NSL1: variants seen among roughly 807,000 people sequenced by gnomAD.
The protein encoded by NSL1 is NSL1 component of MIS12 kinetochore complex, also known as kinetochore-associated protein NSL1 homolog.
Under a neutral mutation model 25.4 loss-of-function variants are expected in NSL1, and 11 were observed. The ratio of observed to expected loss-of-function variants is 0.43; its 90% CI spans 0.27 to 0.72. The LOEUF is 0.72. Ranked by LOEUF, NSL1 falls within the 30% of genes least tolerant of loss-of-function variation. The pLI is 0.19. For missense variants in NSL1, 330 were observed against 342.7 expected (o/e 0.96, Z 0.29); for synonymous variants, 118 against 120.6 (o/e 0.98, Z 0.14).
intron 1 of NSL1, among the ~76,000 whole-genome samples, chr1:212,789,096 C>G (rs1290859102): frequency 6.6e-6 from 1 of 151,898 alleles, no homozygotes. Flanking sequence ...TATTTTGTAC[C>G]CTTTGTATAA....
At chr1:212,783,414 G>C (rs372157624) in intron 3 of NSL1, among the ~76,000 whole-genome samples, 4 of 152,066 alleles carry the variant, frequency 2.6e-5, no homozygotes, top group Admixed American at 6.6e-5. Flanking sequence ...CGGTATTTGA[G>C]AACTGCTATA....
Position 212,728,750 on chromosome 1 carries a change from C to A in NSL1, c.*9658G>T. 1 of 985,362 alleles carries A rather than the reference C, an allele frequency of 1.0e-6. No homozygotes were observed. The allele number at this position is 985,362 out of a possible 1,614,324, so 61.0% of individuals were successfully genotyped here. A position where few individuals can be genotyped will look rare whatever the true frequency, so the allele number is the denominator to read the frequency against. ...ATCAGGGATAAACCTGATCACCGTC[C>A]CCTTTGTTGCCACATCTCGCAGCTT... On this transcript the variant is annotated 3_prime_UTR_variant, in exon 6 of 6. Transcript: ENST00000366977.
chr1:212,728,909 G>C lies in NSL1; in HGVS notation c.*9499C>G, dbSNP rs1171504281. 2.0e-6 allele frequency: 2 copies of C among 985,260 alleles called. No homozygotes were observed. Among genetic ancestry groups the C allele is most frequent in the African/African-American group, 1.7e-5 (1 of 57,222 alleles). The allele number at this position is 985,260 out of a possible 1,614,324, so 61.0% of individuals were successfully genotyped here. A position where few individuals can be genotyped will look rare whatever the true frequency, so the allele number is the denominator to read the frequency against. On this transcript the variant is annotated 3_prime_UTR_variant, in exon 6 of 6. Coordinates refer to ENST00000366977, the MANE Select transcript of NSL1 (RefSeq NM_015471.4). ...GGCCAGAGTCCACCACTCTGGCAAA[G>C]AGCAGTGTTTATTTGTGTGTTTGAA...
Position 212,787,578 on chromosome 1 carries a change from A to T in NSL1, c.294T>A (p.Ala98=), listed in dbSNP as rs375998186. ...ACATACCCATAAAACAATTATCTGA[A>T]GCTTCCTGCCATGCTTGCCCATTAA... ...ISINGQAWQE[A]SDNCFMDSDI... is the part of the protein sequence containing the mutation. Residue 98 remains alanine, a synonymous_variant, in exon 2 of 6, where the codon GCT becomes GCA. Coordinates refer to ENST00000366977, the MANE Select transcript of NSL1 (RefSeq NM_015471.4). 3 of 1,604,734 alleles carry T rather than the reference A, an allele frequency of 1.9e-6. No individual in the cohort carries two copies. Among genetic ancestry groups the T allele is most frequent in the Non-Finnish European group, 2.6e-6 (3 of 1,176,372 alleles).
chr1:212,739,520 C>T lies in NSL1; in HGVS notation c.567+14G>A, dbSNP rs779386714. ...TTTGTTCATTTGATAATTTTTTTAG[C>T]ACATAGCTTTTACCTTCATGGCTTC... On this transcript the variant is annotated intron_variant, in intron 5 of 5. Transcript: ENST00000366977. The T allele has an allele frequency of 1.2e-6, 2 of 1,611,676 alleles. No individual in the cohort carries two copies. Among genetic ancestry groups the T allele is most frequent in the South Asian group, 2.2e-5 (2 of 90,716 alleles).
chr1:212,755,932 T>C (rs2102448313), intron 4 of NSL1, among the ~76,000 whole-genome samples: 1 of 152,222 alleles, frequency 6.6e-6, no homozygotes, highest in South Asian at 2.1e-4. Flanking sequence ...TGCAGATAAT[T>C]TGAACACATG....
In NSL1 at chr1:212,736,179, AG is replaced by A. The variant is rs1243078196; in HGVS notation, c.*2228del. ...CAGCCTCCTGGGTGGCTGGGACTACAGGTGTGTGCCATCACACCCTGCTAAT... is the reference window on the plus strand; with the variant it reads ...CAGCCTCCTGGGTGGCTGGGACTACAGTGTGTGCCATCACACCCTGCTAAT... On this transcript the variant is annotated 3_prime_UTR_variant, in exon 6 of 6. Coordinates refer to ENST00000366977, the MANE Select transcript of NSL1 (RefSeq NM_015471.4). 6.7e-6 allele frequency: 4 copies of A among 601,078 alleles called. No individual in the cohort carries two copies. The highest frequency in any genetic ancestry group is 8.4e-6 in the Non-Finnish European group (4 of 478,676). The allele number at this position is 601,078 out of a possible 1,614,324, so 37.2% of individuals were successfully genotyped here. A position where few individuals can be genotyped will look rare whatever the true frequency, so the allele number is the denominator to read the frequency against.
At position 212,727,406 on chromosome 1, in the gene NSL1, T is replaced by C; in HGVS notation, c.*11002A>G. On this transcript the variant is annotated 3_prime_UTR_variant, in exon 6 of 6. Transcript: ENST00000366977. Reference sequence around the variant, plus strand: ...AATAAGTATCAGTCAAGTTAATGTTTCCAAAATATACTCCTTGTAACAGAC... The same window carrying C: ...AATAAGTATCAGTCAAGTTAATGTTCCCAAAATATACTCCTTGTAACAGAC... 1 of 985,356 alleles carries C rather than the reference T, an allele frequency of 1.0e-6. No individual in the cohort carries two copies. The highest frequency in any genetic ancestry group is 1.2e-6 in the Non-Finnish European group (1 of 829,922). 61.0% of individuals were successfully genotyped at this position (985,356 alleles called of 1,614,324 possible).
rs1019166451 is a variant in NSL1 at position 212,731,564 on chromosome 1, C to A, written c.*6844G>T. 3 of 985,260 alleles carry A rather than the reference C, an allele frequency of 3.0e-6. No individual in the cohort carries two copies. The Admixed American group carries it at 1.8e-4, about 61-fold the overall frequency. The allele number at this position is 985,260 out of a possible 1,614,324, so 61.0% of individuals were successfully genotyped here. ...ATGCATTTAATTTTAAAAATCAAAT[C>A]TATGAGGCTTCTATCAAAAATTATC... On this transcript the variant is annotated 3_prime_UTR_variant, in exon 6 of 6. Coordinates refer to ENST00000366977, the MANE Select transcript of NSL1 (RefSeq NM_015471.4).
At chr1:212,749,012 T>A (rs1444269225) in intron 4 of NSL1, among the ~76,000 whole-genome samples, 2 of 152,298 alleles carry the variant, frequency 1.3e-5, no homozygotes, top group Admixed American at 1.3e-4. Context: ...ATTAAAAAAA[T>A]ATAATCAATA....
rs140305470 is a variant in NSL1 at position 212,739,584 on chromosome 1, A to G, written c.517T>C (p.Leu173=). 1.1e-3 allele frequency: 1,750 copies of G among 1,613,550 alleles called. 1 individual carries two copies. The highest frequency in any genetic ancestry group is 1.4e-3 in the Non-Finnish European group (1,701 of 1,179,700). The change falls in exon 5 of 6, where the codon TTG becomes CTG. Residue 173 remains leucine (L), a synonymous_variant. Transcript: ENST00000366977. ...DPDPAPHMEN[L]KCRGETVAKE... ...GCTACTGTTTCCCCTCTGCATTTCA[A>G]ATTTTCCATATGAGGGGCTGCAAAA...
chr1:212,748,781 G>A (rs1658924813), intron 4 of NSL1, among the ~76,000 whole-genome samples: 1 of 152,118 alleles, frequency 6.6e-6, no homozygotes, highest in African/African-American at 2.4e-5. Flanking sequence ...TGGGGAACAG[G>A]ATAAATATGT....
intron 4 of NSL1, among the ~76,000 whole-genome samples, chr1:212,776,107 G>A (rs1460779007): frequency 2.0e-5 from 3 of 152,270 alleles, no homozygotes; most frequent in South Asian, 2.1e-4. Flanking sequence ...GAGCCACTGC[G>A]CCCAGCCCGT....
intron 2 of NSL1, among the ~76,000 whole-genome samples, chr1:212,786,013 T>A (rs1558066368): frequency 6.6e-6 from 1 of 152,090 alleles, no homozygotes; most frequent in East Asian, 1.9e-4. Flanking sequence ...GGCACCCTTT[T>A]TTTCCTTTTT....
Position 212,735,418 on chromosome 1 carries a change from A to C in NSL1, c.*2990T>G. 1.0e-6 allele frequency: 1 copy of C among 985,454 alleles called. No individual in the cohort carries two copies. The highest frequency in any genetic ancestry group is 1.2e-6 in the Non-Finnish European group (1 of 829,938). 61.0% of individuals were successfully genotyped at this position (985,454 alleles called of 1,614,324 possible). ...AACAAATTCAGCCTTAGAAAAGAAAAAGTACATCTTACAAGATGAAATCAT... is the reference window on the plus strand; with the variant it reads ...AACAAATTCAGCCTTAGAAAAGAAACAGTACATCTTACAAGATGAAATCAT... On this transcript the variant is annotated 3_prime_UTR_variant, in exon 6 of 6. Transcript: ENST00000366977.
chr1:212,751,078 C>T (rs528202162), intron 4 of NSL1, among the ~76,000 whole-genome samples: 7 of 152,202 alleles, frequency 4.6e-5, no homozygotes, highest in African/African-American at 1.7e-4. Flanking sequence ...AGAACACTTA[C>T]ATAGTCATAA....
intron 4 of NSL1, among the ~76,000 whole-genome samples, chr1:212,749,109 G>A (rs778482084): frequency 1.3e-5 from 2 of 151,962 alleles, no homozygotes; most frequent in Non-Finnish European, 2.9e-5. Flanking sequence ...ATGTGTGTAG[G>A]TGTATGCATG....
In NSL1 at chr1:212,737,399, A is replaced by G; in HGVS notation, c.*1009T>C. The G allele has an allele frequency of 1.0e-6, 1 of 985,126 alleles. No homozygotes were observed. The highest frequency in any genetic ancestry group is 1.2e-6 in the Non-Finnish European group (1 of 829,606). The allele number at this position is 985,126 out of a possible 1,614,324, so 61.0% of individuals were successfully genotyped here. A position where few individuals can be genotyped will look rare whatever the true frequency, so the allele number is the denominator to read the frequency against. Reference sequence around the variant, plus strand: ...ATCAGTAAATTCCTTTGAAAAATGAATGAAGGTATCAGAGTCATCAAAAGG... The same window carrying G: ...ATCAGTAAATTCCTTTGAAAAATGAGTGAAGGTATCAGAGTCATCAAAAGG... On this transcript the variant is annotated 3_prime_UTR_variant, in exon 6 of 6. Coordinates refer to ENST00000366977, the MANE Select transcript of NSL1 (RefSeq NM_015471.4).
At position 212,760,142 on chromosome 1, in the gene NSL1, G is replaced by GCA. The variant is rs142657388; in HGVS notation, c.500-20543_500-20542dup. Among the ~76,000 whole-genome samples, 202 of 150,510 alleles carry GCA rather than the reference G, an allele frequency of 1.3e-3. No homozygotes were observed. The highest frequency in any genetic ancestry group is 4.2e-3 in the African/African-American group (173 of 41,010). ...ACCTGCCCCGCCAGCTGCTTCTGGG[G>GCA]CACACACACACACACACCATAAGGG... On this transcript the variant is annotated intron_variant, in intron 4 of 5. Transcript: ENST00000366977. This position sits in a 1 kb window ranked among gnomAD's most constrained non-coding sequence, Gnocchi z 4.3.
Sources: gnomAD v4.1 joint callset for allele counts (sites outside exome capture counted in the v4.1 genomes callset) on GRCh38, gnomAD v4.1.1 for gene constraint, Gnocchi (gnomAD v3.1) non-coding constraint, MANE v1.5 for transcripts, NCBI Gene and HGNC (gene_info 2026-07-23, HGNC 2026-07-21) for gene names.